Variants in CFAP36 observed in about 807,000 individuals in gnomAD.
CFAP36 encodes the protein cilia- and flagella-associated protein 36.
CFAP36 carries 37 observed loss-of-function variants against 50.5 expected under a neutral mutation model. The ratio of observed to expected loss-of-function variants is 0.73; its 90% confidence interval spans 0.56 to 0.96. CFAP36 has a LOEUF of 0.96. Ranked by LOEUF, CFAP36 falls within the 50% of genes least tolerant of loss-of-function variation. The probability of loss-of-function intolerance (pLI) is 0.00; values close to 1 mark genes in which losing one functional copy is unlikely to be tolerated. For synonymous variants in CFAP36, 138 were observed against 128.2 expected (o/e 1.08, Z -0.52); for missense variants, 407 against 396.2 (o/e 1.03, Z -0.23).
intron 4 of CFAP36, among the ~76,000 whole-genome samples, chr2:55,532,890 T>TA (rs1684387936): frequency 1.3e-5 from 2 of 152,382 alleles, no homozygotes; most frequent in South Asian, 4.1e-4. Flanking sequence ...CGCAGGAAGA[T>TA]AAAAGTAATA....
At chr2:55,541,133 G>T (rs1215632459) in intron 7 of CFAP36, among the ~76,000 whole-genome samples, 1 of 152,180 alleles carries the variant, frequency 6.6e-6, no homozygotes, top group South Asian at 2.1e-4. Flanking sequence ...GACCAGTGTG[G>T]CCAACATGGT....
At chr2:55,544,566 G>A (rs764695795) in intron 9 of CFAP36, among the ~76,000 whole-genome samples, 197 bp downstream of exon 9, 1 of 152,104 alleles carries the variant, frequency 6.6e-6, no homozygotes, top group Non-Finnish European at 1.5e-5. Context: ...AGAAAATAGC[G>A]GTGTCATTAT....
intron 5 of CFAP36, 72 bp downstream of exon 5, chr2:55,534,032 CA>C: frequency 1.2e-6 from 1 of 825,882 alleles, no homozygotes. Flanking sequence ...GCTTTTTGCC[CA>C]ACAAATATGA....
intron 3 of CFAP36, among the ~76,000 whole-genome samples, chr2:55,525,070 C>T (rs75393620): frequency 6.6e-6 from 1 of 152,022 alleles, no homozygotes; most frequent in African/African-American, 2.4e-5. Flanking sequence ...GTAGTAGAGC[C>T]AGTATCCCCA....
intron 5 of CFAP36, among the ~76,000 whole-genome samples, chr2:55,534,922 C>T (rs1284737912): frequency 6.6e-6 from 1 of 152,168 alleles, no homozygotes; most frequent in Non-Finnish European, 1.5e-5. Flanking sequence ...AGCAGATATG[C>T]AGTTGAACTC....
intron 4 of CFAP36, among the ~76,000 whole-genome samples, 167 bp from the exon 5 acceptor site, chr2:55,533,706 A>AT (rs34764925): frequency 0.42 from 58,159 of 138,554 alleles, 12,870 homozygotes; most frequent in Non-Finnish European, 0.51. Context: ...AAAAAAAAAA[A>AT]AAATATATAT....
rs138348471 is a variant in CFAP36 at position 55,544,326 on chromosome 2, T to C, written c.884T>C (p.Ile295Thr). The part of the protein sequence containing the change: ...SMRKDMRTKQ[I>T]QNMEQKGKPT... Reference sequence around the variant, plus strand: ...AGAAAGGATATGAGGACTAAACAGATACAAAATATGGAGCAGAAAGGAAAA... The same window carrying C: ...AGAAAGGATATGAGGACTAAACAGACACAAAATATGGAGCAGAAAGGAAAA... Residue 295 changes from isoleucine (I) to threonine (T), a missense_variant, in exon 9 of 10, where the codon ATA (isoleucine) becomes ACA (threonine). Physicochemically the swap from Ile to Thr is moderately conservative, Grantham distance 89. Transcript: ENST00000349456. 706 of 1,613,582 alleles carry C rather than the reference T, an allele frequency of 4.4e-4. 5 individuals carry two copies. Among genetic ancestry groups the C allele is most frequent in the Middle Eastern group, 1.6e-4 (1 of 6,080 alleles).
chr2:55,544,679 G>A (rs1684726235), intron 9 of CFAP36, among the ~76,000 whole-genome samples: 1 of 152,124 alleles, frequency 6.6e-6, no homozygotes, highest in Admixed American at 6.6e-5. Context: ...TCATAGAGCA[G>A]CATCAGTACC....
intron 6 of CFAP36, among the ~76,000 whole-genome samples, chr2:55,537,153 G>C (rs1427973634): frequency 6.6e-6 from 1 of 152,146 alleles, no homozygotes; most frequent in Non-Finnish European, 1.5e-5. Flanking sequence ...GAGGTGGGTG[G>C]ATCACTTGAG....
chr2:55,539,713 G>A (rs1006054745), intron 7 of CFAP36, among the ~76,000 whole-genome samples: 7 of 152,168 alleles, frequency 4.6e-5, no homozygotes, highest in African/African-American at 7.2e-5. Flanking sequence ...GTTCTAAAGC[G>A]GCTATACCAT....
chr2:55,525,409 A>G (rs1684180604), intron 3 of CFAP36, among the ~76,000 whole-genome samples: 1 of 152,132 alleles, frequency 6.6e-6, no homozygotes, highest in Non-Finnish European at 1.5e-5. Flanking sequence ...GTAAGACAAG[A>G]TCATGCCACT....
intron 4 of CFAP36, among the ~76,000 whole-genome samples, chr2:55,532,223 AAAAG>A (rs1684371606): frequency 6.6e-6 from 1 of 151,870 alleles, no homozygotes; most frequent in African/African-American, 2.4e-5. Context: ...AAAAAAAAGA[AAAAG>A]AAAAGAAAGA....
Position 55,537,564 on chromosome 2 carries a change from C to G in CFAP36, c.619C>G (p.His207Asp). 1 of 1,612,754 alleles carries G rather than the reference C, an allele frequency of 6.2e-7. No homozygotes were observed. Residue 207 changes from histidine (H) to aspartate (D), a missense_variant, in exon 7 of 10, where the codon CAT (histidine) becomes GAT (aspartate). Coordinates refer to ENST00000349456, the MANE Select transcript of CFAP36 (RefSeq NM_080667.7). ...GAATAATTCCCAAGGGGATGGTGAA[C>G]ATTTTGCACACCCACCCTCAGGTAA... ...IMNNSQGDGE[H>D]FAHPPSEVKM...
At chr2:55,528,434 AC>A (rs1376449399) in intron 3 of CFAP36, among the ~76,000 whole-genome samples, 1 of 151,334 alleles carries the variant, frequency 6.6e-6, no homozygotes, top group Non-Finnish European at 1.5e-5. Context: ...TTGCTCTGTC[AC>A]CCAGGCTGGA....
At chr2:55,524,355 G>C (rs917680444) in intron 3 of CFAP36, among the ~76,000 whole-genome samples, 6 of 151,712 alleles carry the variant, frequency 4.0e-5, no homozygotes, top group Admixed American at 2.6e-4. Context: ...CCTGGGCTCA[G>C]GTAATCCTCC....
intron 7 of CFAP36, among the ~76,000 whole-genome samples, chr2:55,542,926 A>G (rs72803521): frequency 0.03 from 4,522 of 152,256 alleles, 89 homozygotes; most frequent in South Asian, 0.11. Context: ...TTATTGTCCA[A>G]GGGTCTGGAG....
At chr2:55,537,411 T>G in intron 6 of CFAP36, 72 bp from the exon 7 acceptor site, 1 of 991,382 alleles carries the variant, frequency 1.0e-6, no homozygotes, top group Non-Finnish European at 1.5e-6. Flanking sequence ...TTTGGATCCT[T>G]TAGGTAGTGA....
chr2:55,544,138 C>T (rs759790942), intron 8 of CFAP36, 64 bp downstream of exon 8: 82 of 1,608,000 alleles, frequency 5.1e-5, no homozygotes, highest in Non-Finnish European at 6.4e-5. Flanking sequence ...AATCAAACTT[C>T]GAATTGAATC....
intron 7 of CFAP36, chr2:55,539,374 G>A (rs868662811): frequency 5.9e-5 from 9 of 152,152 alleles, no homozygotes; most frequent in South Asian, 4.1e-4. Flanking sequence ...ACAGTAGTAC[G>A]TAGCCTTTTC....
Sources: gnomAD v4.1 joint callset for allele counts (sites outside exome capture counted in the v4.1 genomes callset) on GRCh38, gnomAD v4.1.1 for gene constraint, MANE v1.5 for transcripts, NCBI Gene and HGNC (gene_info 2026-07-23, HGNC 2026-07-21) for gene names.